ADAM32: variants seen among roughly 807,000 people sequenced by gnomAD.
ADAM32 encodes disintegrin and metalloproteinase domain-containing protein 32.
ADAM32 carries 89 observed loss-of-function variants against 114.9 expected under a neutral mutation model. That is an observed-to-expected ratio of 0.77 (90% CI 0.65 to 0.92). ADAM32 has a LOEUF of 0.92. ADAM32 is among the 40% of genes least tolerant of loss of function. The pLI is 0.00. For synonymous variants in ADAM32, 285 were observed against 307.5 expected, an observed-to-expected ratio of 0.93 and a Z score of 0.77; for missense variants, 870 against 932.8, an observed-to-expected ratio of 0.93 and a Z score of 0.88.
intron 2 of ADAM32, among the ~76,000 whole-genome samples, chr8:39,130,558 T>C (rs1047107520): frequency 7.2e-5 from 11 of 152,204 alleles, no homozygotes; most frequent in African/African-American, 2.7e-4. Context: ...CTACAAGCAT[T>C]GCTTTAGCTG....
At chr8:39,225,386 A>T (rs1355596340) in intron 14 of ADAM32, among the ~76,000 whole-genome samples, 2 of 152,158 alleles carry the variant, frequency 1.3e-5, no homozygotes, top group Admixed American at 6.5e-5. Context: ...TCTTCACCCT[A>T]GGCACCAGTG....
intron 19 of ADAM32, among the ~76,000 whole-genome samples, chr8:39,262,657 C>T (rs1812108573): frequency 6.6e-6 from 1 of 150,914 alleles, no homozygotes; most frequent in African/African-American, 2.4e-5. Flanking sequence ...CTCTTTCTCT[C>T]TTCCCCTCTT....
chr8:39,196,782 T>C (rs1807033511), intron 11 of ADAM32, among the ~76,000 whole-genome samples: 1 of 152,160 alleles, frequency 6.6e-6, no homozygotes. Context: ...ATTGGGGATA[T>C]TGGCCTGTAG....
At chr8:39,144,465 G>A (rs763321149) in intron 3 of ADAM32, among the ~76,000 whole-genome samples, 2 of 152,226 alleles carry the variant, frequency 1.3e-5, no homozygotes, top group Non-Finnish European at 2.9e-5. Flanking sequence ...GAGGGAGGAT[G>A]AGAACAGACC....
chr8:39,195,278 T>C (rs1806900747), intron 11 of ADAM32, among the ~76,000 whole-genome samples: 1 of 152,224 alleles, frequency 6.6e-6, no homozygotes, highest in African/African-American at 2.4e-5. Context: ...TTAAATGCGA[T>C]TATTTTTTTA....
At chr8:39,193,666 AT>A (rs970997980) in intron 11 of ADAM32, among the ~76,000 whole-genome samples, 4 of 151,120 alleles carry the variant, frequency 2.6e-5, no homozygotes, top group African/African-American at 9.7e-5. Context: ...TGTCCTTTGA[AT>A]TTTTTTTCTT....
At chr8:39,133,061 C>T (rs1802560171) in intron 2 of ADAM32, among the ~76,000 whole-genome samples, 1 of 151,684 alleles carries the variant, frequency 6.6e-6, no homozygotes, top group Non-Finnish European at 1.5e-5. Context: ...TTTTTCGGAC[C>T]ATGCTATTGT....
intron 9 of ADAM32, 76 bp from the exon 10 acceptor site, chr8:39,169,840 C>A (rs1805080782): frequency 8.7e-7 from 1 of 1,148,054 alleles, no homozygotes; most frequent in Non-Finnish European, 1.2e-6. Flanking sequence ...GAACTGCAGA[C>A]TTAAATTATT....
rs769536164 is a variant in ADAM32 at position 39,234,039 on chromosome 8, A to T, written c.1775A>T (p.Asp592Val). ...VDYKLPRTVP[D>V]PLAVKNGSQC... ...TACAAATTGCCTCGAACAGTTCCAG[A>T]TCCACTGGCTGTCAAAAATGGCTCT... Residue 592 changes from aspartate to valine, a missense_variant, in exon 16 of 25, where the codon GAT (aspartate) becomes GTT (valine). Transcript: ENST00000379907. The T allele has an allele frequency of 2.7e-6, 4 of 1,506,714 alleles. No homozygotes were observed. Among genetic ancestry groups the T allele is most frequent in the Non-Finnish European group, 3.6e-6 (4 of 1,124,692 alleles). The allele number at this position is 1,506,714 out of a possible 1,614,324, so 93.3% of individuals were successfully genotyped here.
rs73608644 is a variant in ADAM32, at chr8:39,266,013, G to T, written c.2163-4863G>T. ...TCCCCAATCTCTTCAGACTTGTAAG[G>T]TTTCTGCAGAAAATTCTGCTGCTAG... On this transcript the variant is annotated intron_variant, in intron 19 of 24. Transcript: ENST00000379907. Among the ~76,000 whole-genome samples, 836 of 152,288 alleles carry T rather than the reference G, an allele frequency of 5.5e-3. 3 individuals are homozygous for T. Among genetic ancestry groups the T allele is most frequent in the African/African-American group, 0.019 (777 of 41,560 alleles).
chr8:39,146,150 T>C (rs1803492418), intron 3 of ADAM32, among the ~76,000 whole-genome samples: 1 of 152,146 alleles, frequency 6.6e-6, no homozygotes, highest in African/African-American at 2.4e-5. Flanking sequence ...CTAGTGTGAG[T>C]GGCCTAATTA....
At chr8:39,194,893 C>G (rs1806860013) in intron 11 of ADAM32, among the ~76,000 whole-genome samples, 1 of 152,214 alleles carries the variant, frequency 6.6e-6, no homozygotes, top group South Asian at 2.1e-4. Context: ...GGGCTCTACA[C>G]CGGTTGGAGT....
chr8:39,177,842 A>G (rs1041734159), intron 10 of ADAM32, among the ~76,000 whole-genome samples: 1 of 152,060 alleles, frequency 6.6e-6, no homozygotes, highest in Non-Finnish European at 1.5e-5. Flanking sequence ...TTGGCCCCCA[A>G]TCTCTTCTGG....
At chr8:39,142,685 G>T (rs1470025561) in intron 3 of ADAM32, among the ~76,000 whole-genome samples, 2 of 151,988 alleles carry the variant, frequency 1.3e-5, no homozygotes, top group African/African-American at 2.4e-5. Context: ...TGTGTCTTGG[G>T]GTTGCTCTTC....
intron 20 of ADAM32, among the ~76,000 whole-genome samples, chr8:39,271,949 G>A (rs1296181932): frequency 6.6e-6 from 1 of 151,688 alleles, no homozygotes; most frequent in Non-Finnish European, 1.5e-5. Flanking sequence ...AGGCTGAGGT[G>A]TGAGGAGCAC....
chr8:39,162,283 A>G (rs1300980230), intron 7 of ADAM32, among the ~76,000 whole-genome samples: 1 of 150,938 alleles, frequency 6.6e-6, no homozygotes, highest in East Asian at 2.0e-4. Context: ...TCCTTGCGAT[A>G]GTTTGCTGAG....
chr8:39,183,319 A>G (rs1347582511), intron 10 of ADAM32, among the ~76,000 whole-genome samples: 1 of 152,156 alleles, frequency 6.6e-6, no homozygotes, highest in East Asian at 1.9e-4. Flanking sequence ...TTCCTGTGTG[A>G]TGAGACAGGA....
chr8:39,130,587 A>G (rs1802382796), intron 2 of ADAM32, among the ~76,000 whole-genome samples: 1 of 152,014 alleles, frequency 6.6e-6, no homozygotes, highest in African/African-American at 2.4e-5. Context: ...AAATTATGCT[A>G]TGGTGTGTTT....
intron 16 of ADAM32, among the ~76,000 whole-genome samples, chr8:39,238,483 A>T (rs1810343490): frequency 6.6e-6 from 1 of 152,194 alleles, no homozygotes; most frequent in South Asian, 2.1e-4. Context: ...ATGAGAAGGA[A>T]CCAGAAAAAC....
Sources: allele counts gnomAD v4.1 joint callset (sites outside exome capture counted in the v4.1 genomes callset), GRCh38; gene constraint gnomAD v4.1.1; transcripts MANE v1.5; gene names NCBI Gene and HGNC (gene_info 2026-07-23, HGNC 2026-07-21).